The following NOP2 variants were observed in gnomAD, a reference collection of about 807,000 sequenced individuals.
NOP2 encodes the protein 28S rRNA (cytosine(4447)-C(5))-methyltransferase.
A neutral mutation model predicts 72.7 loss-of-function variants in NOP2; 7 were observed. The ratio of observed to expected loss-of-function variants is 0.10; its 90% CI spans 0.05 to 0.18. NOP2 has a LOEUF of 0.18. Ranked by LOEUF, NOP2 falls within the 10% of genes least tolerant of loss-of-function variation. The pLI, the probability that NOP2 is intolerant of heterozygous loss-of-function variation, is 1.00. For synonymous variants in NOP2, 387 were observed against 388.0 expected (o/e 1.00, Z 0.03); for missense variants, 954 against 1,014.7 (o/e 0.94, Z 0.81).
chr12:6,566,049 G>A (rs558826361), intron 5 of NOP2, 52 bp downstream of exon 5: 15 of 1,452,794 alleles, frequency 1.0e-5, no homozygotes, highest in Non-Finnish European at 1.2e-5. Flanking sequence ...ATCTGGGAAA[G>A]AAACTAAATA....
At chr12:6,566,005 G>A in intron 5 of NOP2, 96 bp downstream of exon 5, 3 of 1,037,888 alleles carry the variant, frequency 2.9e-6, no homozygotes, top group Non-Finnish European at 2.9e-6. Flanking sequence ...CCTCTAGTCA[G>A]GCTTATCCTT....
rs1592241070 is a variant in NOP2, at chr12:6,561,698, C to A, written c.1173G>T (p.Met391Ile). The change falls in exon 11 of 16, where the codon ATG becomes ATT. Residue 391 changes from methionine to isoleucine, a missense_variant. Coordinates refer to ENST00000322166, the MANE Select transcript of NOP2 (RefSeq NM_001258308.2). The stretch of plus-strand genomic sequence containing the variant: ...TGGTCTTTCCTCCAGGGGCACAACA[C>A]ATGTCCAGGATCCGCTCATGTTCCT... ...APQEHERILD[M>I]CCAPGGKTSY... 5 of 1,613,880 alleles carry A rather than the reference C, an allele frequency of 3.1e-6. No individual in the cohort carries two copies. The highest frequency in any genetic ancestry group is 1.1e-5 in the South Asian group (1 of 91,036).
At chr12:6,566,424 T>C (rs1947781196) in intron 4 of NOP2, 88 bp from the exon 5 acceptor site, 3 of 1,497,436 alleles carry the variant, frequency 2.0e-6, no homozygotes, top group Non-Finnish European at 2.8e-6. Context: ...CCCCTCAGAA[T>C]GTCCTTTGGC....
intron 5 of NOP2, among the ~76,000 whole-genome samples, chr12:6,565,542 A>T (rs899587645): frequency 2.6e-5 from 4 of 151,674 alleles, no homozygotes; most frequent in Non-Finnish European, 4.4e-5. Context: ...GTTTCGCCAT[A>T]TTGTCCAGGC....
intron 5 of NOP2, among the ~76,000 whole-genome samples, chr12:6,565,041 A>G (rs1350446539): frequency 6.6e-6 from 1 of 152,130 alleles, no homozygotes; most frequent in Non-Finnish European, 1.5e-5. Context: ...GATTCTAATA[A>G]TACATCCACA....
At chr12:6,567,310 T>G (rs1947807442) in intron 2 of NOP2, among the ~76,000 whole-genome samples, 1 of 152,156 alleles carries the variant, frequency 6.6e-6, no homozygotes, top group Non-Finnish European at 1.5e-5. Flanking sequence ...CTTCCTACTA[T>G]CTCAATAAAC....
Position 6,560,903 on chromosome 12 carries a change from C to T in NOP2, c.1347+28G>A, listed in dbSNP as rs758975379. On this transcript the variant is annotated intron_variant, in intron 12 of 15. Transcript: ENST00000322166. The surrounding 1 kb of genome is among the most constrained non-coding windows in gnomAD (Gnocchi z 5.0). The stretch of plus-strand genomic sequence containing the variant: ...AGGGAGAAGGTCAACCGGAAGAAGC[C>T]TCAGAAGACACACAGCTCGAGTCTC... The T allele has an allele frequency of 6.2e-7, 1 of 1,613,204 alleles. No homozygotes were observed. Among genetic ancestry groups the T allele is most frequent in the East Asian group, 2.2e-5 (1 of 44,864 alleles).
Position 6,566,181 on chromosome 12 carries a change from A to C in NOP2, c.394T>G (p.Trp132Gly), listed in dbSNP as rs769901001. The change falls in exon 5 of 16, where the codon TGG (tryptophan) becomes GGG (glycine). Residue 132 changes from tryptophan (W) to glycine (G), a missense_variant. Transcript: ENST00000322166. Reference protein sequence around the residue: ...EDGMVNHGDLWGSEDDADTVD... With the variant: ...EDGMVNHGDLGGSEDDADTVD... ...GTATCAGCATCGTCCTCGGAGCCCC[A>C]GAGGTCCCCGTGGTTCACCATACCA... The C allele has an allele frequency of 1.2e-6, 2 of 1,613,972 alleles. No individual in the cohort carries two copies. Among genetic ancestry groups the C allele is most frequent in the South Asian group, 2.2e-5 (2 of 91,078 alleles).
chr12:6,559,998 G>A lies in NOP2; in HGVS notation c.1789+100C>T, dbSNP rs1365629277. 4.8e-6 allele frequency: 4 copies of A among 834,990 alleles called. No individual in the cohort carries two copies. In the East Asian group the frequency reaches 7.6e-5, roughly 16 times the overall value. 51.7% of individuals were successfully genotyped at this position (834,990 alleles called of 1,614,324 possible). ...GCATGCAAAGGCTGGAGTAAGGGAT[G>A]CATGAATCTTTCCTTTCCCTTCCTC... is the stretch of plus-strand genomic sequence containing the variant. On this transcript the variant is annotated intron_variant, in intron 15 of 15. Coordinates refer to ENST00000322166, the MANE Select transcript of NOP2 (RefSeq NM_001258308.2).
intron 11 of NOP2, 133 bp downstream of exon 11, chr12:6,561,531 T>C (rs931920845): frequency 5.3e-6 from 6 of 1,138,924 alleles, no homozygotes; most frequent in African/African-American, 1.5e-5. Flanking sequence ...CTCCAGAAAC[T>C]GGTCCTCACC....
In NOP2 at chr12:6,568,270, G is replaced by C. The variant is rs1007401305; in HGVS notation, c.-68C>G. The C allele has an allele frequency of 2.9e-5, 6 of 205,782 alleles. No individual in the cohort carries two copies. In the East Asian group the frequency reaches 3.8e-4, roughly 13 times the overall value. The allele number at this position is 205,782 out of a possible 1,614,324, so 12.7% of individuals were successfully genotyped here. A position where few individuals can be genotyped will look rare whatever the true frequency, so the allele number is the denominator to read the frequency against. On this transcript the variant is annotated 5_prime_UTR_variant, in exon 1 of 16. Coordinates refer to ENST00000322166, the MANE Select transcript of NOP2 (RefSeq NM_001258308.2). ...GCCCTCCACGTGCAATCCGGACCTA[G>C]CTTTCGGCCGGCACTCGCCACAGAA...
intron 9 of NOP2, among the ~76,000 whole-genome samples, chr12:6,562,680 C>T (rs1259219361): frequency 6.6e-6 from 1 of 152,180 alleles, no homozygotes; most frequent in Non-Finnish European, 1.5e-5. Flanking sequence ...ACATATAACC[C>T]AACAACTGAC....
Position 6,560,617 on chromosome 12 carries a change from C to A in NOP2, c.1438-48G>T, listed in dbSNP as rs779321004. 4.4e-6 allele frequency: 7 copies of A among 1,607,002 alleles called. No homozygotes were observed. The South Asian group carries it at 6.6e-5, about 15-fold the overall frequency. ...GGCAGCCTCAGGAGGAGAGGGGAGC[C>A]CAGAGGGTGTCCCCATCTCAGTTTC... On this transcript the variant is annotated intron_variant, in intron 13 of 15. Coordinates refer to ENST00000322166, the MANE Select transcript of NOP2 (RefSeq NM_001258308.2). This position sits in a 1 kb window ranked among gnomAD's most constrained non-coding sequence, Gnocchi z 5.0.
intron 5 of NOP2, 137 bp from the exon 6 acceptor site, chr12:6,564,083 T>C: frequency 6.5e-7 from 1 of 1,528,400 alleles, no homozygotes; most frequent in Non-Finnish European, 8.8e-7. Flanking sequence ...AGCAAAGAAA[T>C]GAAAATAAGA....
Position 6,566,082 on chromosome 12 carries a change from C to G in NOP2, c.474+19G>C. The G allele has an allele frequency of 6.3e-7, 1 of 1,588,110 alleles. No homozygotes were observed. The highest frequency in any genetic ancestry group is 1.1e-5 in the South Asian group (1 of 89,122). ...ATAGCAAGGATCCTTCTATGAATGC[C>G]CAAAAAGATGAATCTCACCGCTTCA... On this transcript the variant is annotated intron_variant, in intron 5 of 15. Transcript: ENST00000322166.
At chr12:6,566,381 C>CAGGGTGTGGGGCCAGGGAA in intron 4 of NOP2, 45 bp from the exon 5 acceptor site, 1 of 1,540,284 alleles carries the variant, frequency 6.5e-7, no homozygotes, top group Non-Finnish European at 8.9e-7. Flanking sequence ...CACACATTCC[C>CAGGGTGTGGGGCCAGGGAA]TGGCCCCACA....
chr12:6,557,750 C>T (rs1364048410), intron 15 of NOP2, 108 bp from the exon 16 acceptor site: 5 of 1,193,564 alleles, frequency 4.2e-6, no homozygotes, highest in Non-Finnish European at 5.9e-6. Flanking sequence ...AGGAGCTCCA[C>T]ACAATTAGGT....
At chr12:6,558,309 G>C (rs1392686276) in intron 15 of NOP2, among the ~76,000 whole-genome samples, 2 of 151,528 alleles carry the variant, frequency 1.3e-5, no homozygotes, top group African/African-American at 2.4e-5. Context: ...ATCTCACTCT[G>C]TCACCCAGGC....
At position 6,563,126 on chromosome 12, in the gene NOP2, G is replaced by C. The variant is rs1441294451; in HGVS notation, c.933C>G (p.Thr311=). The change falls in exon 9 of 16, where the codon ACC becomes ACG. Residue 311 remains threonine (T), a synonymous_variant. Transcript: ENST00000322166. ...LEANEVPRPV[T]LRTNTLKTRR... ...GGGTTTTCAAGGTATTGGTCCGGAG[G>C]GTGACGGGCCGAGGCACCTCATTAG... 1.9e-6 allele frequency: 3 copies of C among 1,598,662 alleles called. No individual in the cohort carries two copies. In the East Asian group the frequency reaches 6.8e-5, roughly 36 times the overall value.
Sources: gnomAD v4.1 joint callset for allele counts (sites outside exome capture counted in the v4.1 genomes callset) on GRCh38, gnomAD v4.1.1 for gene constraint, Gnocchi (gnomAD v3.1) non-coding constraint, MANE v1.5 for transcripts, NCBI Gene and HGNC (gene_info 2026-07-23, HGNC 2026-07-21) for gene names.